WDPCP: variants seen among roughly 807,000 people sequenced by gnomAD.
The protein encoded by WDPCP is WD repeat containing planar cell polarity effector.
In WDPCP, 71 loss-of-function variants were observed where a neutral mutation model predicts 93.1. That is an observed-to-expected ratio of 0.76 (90% CI 0.63 to 0.93). WDPCP has a LOEUF of 0.93. WDPCP is among the 40% of genes least tolerant of loss of function. WDPCP has a pLI of 0.00. For missense variants in WDPCP, 844 were observed against 887.4 expected (o/e 0.95, Z 0.62); for synonymous variants, 315 against 315.0 (o/e 1.00, Z 0.00).
intron 17 of WDPCP, among the ~76,000 whole-genome samples, chr2:63,126,676 T>G (rs10184364): frequency 0.04 from 5,979 of 148,108 alleles, 248 homozygotes; most frequent in African/African-American, 0.11. Context: ...GTTTTTTTTT[T>G]TTTTTTTTTT....
At chr2:63,360,631 C>T (rs1351213840) in intron 12 of WDPCP, among the ~76,000 whole-genome samples, 1 of 152,208 alleles carries the variant, frequency 6.6e-6, no homozygotes, top group Non-Finnish European at 1.5e-5. Context: ...GTGTTTAGCT[C>T]TGAATAAAGG....
intron 15 of WDPCP, among the ~76,000 whole-genome samples, chr2:63,159,155 C>CA (rs1283722923): frequency 6.4e-5 from 9 of 139,754 alleles, no homozygotes; most frequent in South Asian, 4.9e-4. Flanking sequence ...GACCCTATCT[C>CA]AAAAAAAAAC....
chr2:63,736,105 T>C (rs1326274158), intron 2 of WDPCP, among the ~76,000 whole-genome samples: 1 of 152,206 alleles, frequency 6.6e-6, no homozygotes, highest in Non-Finnish European at 1.5e-5. Context: ...CTGAACACCA[T>C]AGAGGAAATG....
chr2:63,751,143 A>T (rs1669873649), intron 2 of WDPCP, among the ~76,000 whole-genome samples: 1 of 152,212 alleles, frequency 6.6e-6, no homozygotes, highest in African/African-American at 2.4e-5. Flanking sequence ...AAAAATGGAT[A>T]TAGGACTATT....
At chr2:63,429,976 TACACACACACACACACACACACAC>T (rs199517613) in intron 9 of WDPCP, among the ~76,000 whole-genome samples, 3 of 137,456 alleles carry the variant, frequency 2.2e-5, no homozygotes, top group East Asian at 2.1e-4. Context: ...GAAAATGTTA[TACACACACACACACACACACACAC>T]ACACACACAC....
chr2:63,653,221 C>T (rs1181999099), intron 2 of WDPCP, among the ~76,000 whole-genome samples: 1 of 152,124 alleles, frequency 6.6e-6, no homozygotes, highest in African/African-American at 2.4e-5. Context: ...CAGACTTTGA[C>T]TATCAATTTG....
chr2:63,353,522 T>C (rs1314879839), intron 12 of WDPCP, among the ~76,000 whole-genome samples: 1 of 152,144 alleles, frequency 6.6e-6, no homozygotes, highest in East Asian at 1.9e-4. Flanking sequence ...GCTATTTGGG[T>C]GCCTTAGCTG....
chr2:63,152,243 G>C (rs1017233185), intron 17 of WDPCP, among the ~76,000 whole-genome samples: 1 of 150,606 alleles, frequency 6.6e-6, no homozygotes, highest in Non-Finnish European at 1.5e-5. Context: ...CCGCTACCCA[G>C]CTTCATCAGT....
intron 1 of WDPCP, among the ~76,000 whole-genome samples, chr2:63,574,003 G>C (rs1478198676): frequency 6.6e-6 from 1 of 152,128 alleles, no homozygotes; most frequent in Non-Finnish European, 1.5e-5. Flanking sequence ...CTGGTTGTCT[G>C]CTCTTAAACC....
chr2:63,675,363 C>G (rs1710392192), intron 2 of WDPCP, among the ~76,000 whole-genome samples: 1 of 152,192 alleles, frequency 6.6e-6, no homozygotes, highest in African/African-American at 2.4e-5. Flanking sequence ...TTCTATCATA[C>G]TCTCTCCATC....
At chr2:63,228,235 A>C (rs1418465520) in intron 14 of WDPCP, among the ~76,000 whole-genome samples, 1 of 152,022 alleles carries the variant, frequency 6.6e-6, no homozygotes, top group East Asian at 1.9e-4. Context: ...GCTTAGGAAA[A>C]CTATTTGAAG....
intron 14 of WDPCP, among the ~76,000 whole-genome samples, chr2:63,222,015 A>G (rs10180262): frequency 0.02 from 2,989 of 152,268 alleles, 109 homozygotes; most frequent in African/African-American, 0.068. Context: ...AACATTACTT[A>G]TAAGAGTCAC....
chr2:63,705,452 T>C (rs1488304708), intron 2 of WDPCP, among the ~76,000 whole-genome samples: 1 of 152,196 alleles, frequency 6.6e-6, no homozygotes, highest in Non-Finnish European at 1.5e-5. Flanking sequence ...TAAATTTCCC[T>C]CCTCACACTG....
chr2:63,278,293 G>A (rs573532084), intron 13 of WDPCP, among the ~76,000 whole-genome samples: 2 of 152,134 alleles, frequency 1.3e-5, no homozygotes, highest in East Asian at 1.9e-4. Context: ...AGCACTAAAT[G>A]CCTACATCAA....
At chr2:63,193,237 T>C (rs557341384) in intron 14 of WDPCP, among the ~76,000 whole-genome samples, 29 of 152,348 alleles carry the variant, frequency 1.9e-4, no homozygotes, top group African/African-American at 6.7e-4. Context: ...AATCCTTTAA[T>C]AAGCTTTACA....
chr2:63,447,206 A>G (rs1697924249), intron 6 of WDPCP, among the ~76,000 whole-genome samples: 1 of 152,164 alleles, frequency 6.6e-6, no homozygotes, highest in African/African-American at 2.4e-5. Context: ...ATATACGTAT[A>G]AAGAAATTGT....
intron 2 of WDPCP, among the ~76,000 whole-genome samples, chr2:63,736,832 T>G (rs1396619019): frequency 6.6e-6 from 1 of 152,066 alleles, no homozygotes; most frequent in Non-Finnish European, 1.5e-5. Flanking sequence ...TGCTTTTTAT[T>G]TTTAAAAAAC....
chr2:63,445,183 C>T (rs1270795125), intron 6 of WDPCP, among the ~76,000 whole-genome samples: 1 of 151,392 alleles, frequency 6.6e-6, no homozygotes, highest in Non-Finnish European at 1.5e-5. Context: ...TCCTACATGT[C>T]AGGAAACAAA....
intron 9 of WDPCP, among the ~76,000 whole-genome samples, chr2:63,428,889 G>A (rs538181349): frequency 1.3e-5 from 2 of 152,280 alleles, no homozygotes; most frequent in South Asian, 2.1e-4. Context: ...AAAGAAATCA[G>A]AGACAACACA....
Sources: allele counts gnomAD v4.1 joint callset (sites outside exome capture counted in the v4.1 genomes callset), GRCh38; gene constraint gnomAD v4.1.1; transcripts MANE v1.5; gene names NCBI Gene and HGNC (gene_info 2026-07-23, HGNC 2026-07-21).